TFAP2A: variants seen among roughly 807,000 people sequenced by gnomAD.
TFAP2A encodes transcription factor AP-2 alpha.
TFAP2A carries 7 observed loss-of-function variants against 41.5 expected under a neutral mutation model. The observed-to-expected ratio is 0.17, with a 90% CI of 0.10 to 0.32. TFAP2A has a LOEUF of 0.32. Among genes scored for constraint, TFAP2A ranks in the 10% least tolerant of loss-of-function variants. The pLI is 1.00. For missense variants in TFAP2A, 416 were observed against 563.3 expected (o/e 0.74, Z 2.65); for synonymous variants, 247 against 242.8 (o/e 1.02, Z -0.16).
rs968044558 is a variant in TFAP2A, at chr6:10,415,057, C to T, written c.-66G>A. On this transcript the variant is annotated 5_prime_UTR_variant, in exon 1 of 7. Coordinates refer to ENST00000379613, the MANE Select transcript of TFAP2A (RefSeq NM_001372066.1). ...CAAGTGGAGCTACTCTCTGGGTGAG[C>T]GCAAAGTGCTGGCTGCCGGCGGTGA... The T allele has an allele frequency of 2.5e-6, 4 of 1,613,354 alleles. No homozygotes were observed. The African/African-American group carries it at 5.4e-5, about 22-fold the overall frequency.
chr6:10,416,683 G>T (rs1002213966), upstream of TFAP2A, among the ~76,000 whole-genome samples: 15 of 152,204 alleles, frequency 9.9e-5, no homozygotes, highest in Non-Finnish European at 1.9e-4. Flanking sequence ...AAAAGGGGAT[G>T]GGAACTGTGG....
chr6:10,418,961 C>T (rs751158992), upstream of TFAP2A, among the ~76,000 whole-genome samples: 9 of 152,180 alleles, frequency 5.9e-5, no homozygotes, highest in Non-Finnish European at 1.2e-4. Context: ...GCACCAGAAC[C>T]TGTCCAACAC....
intron 2 of TFAP2A, 53 bp from the exon 3 acceptor site, chr6:10,406,897 A>G (rs1757740725): frequency 7.0e-7 from 1 of 1,418,822 alleles, no homozygotes; most frequent in East Asian, 2.3e-5. Context: ...ACAAAAGGAA[A>G]TGAATATTCC....
upstream of TFAP2A, chr6:10,416,426 T>C (rs1268995206): frequency 1.0e-5 from 1 of 95,668 alleles, no homozygotes; most frequent in Non-Finnish European, 2.0e-5. Flanking sequence ...TTTTTTTAAG[T>C]AAGAAAAAAA....
At chr6:10,413,281 T>C (rs898244211) in intron 1 of TFAP2A, among the ~76,000 whole-genome samples, 8 of 152,200 alleles carry the variant, frequency 5.3e-5, no homozygotes, top group Admixed American at 4.6e-4. Flanking sequence ...CTCTCATCTT[T>C]TTTTGCCTCG....
At chr6:10,402,079 G>T in intron 5 of TFAP2A, 1 of 354,500 alleles carries the variant, frequency 2.8e-6, no homozygotes, top group Non-Finnish European at 5.5e-6. Context: ...GAGCTTTCAG[G>T]ATGGTCTTAA....
At chr6:10,399,896 GTC>G (rs140854143) in intron 6 of TFAP2A, among the ~76,000 whole-genome samples, 14,522 of 147,152 alleles carry the variant, frequency 0.099, 715 homozygotes, top group Middle Eastern at 0.18. Flanking sequence ...TGGGGTGTGG[GTC>G]TCTCTCTCTC....
chr6:10,405,023 T>G, intron 3 of TFAP2A: 1 of 502,646 alleles, frequency 2.0e-6, no homozygotes, highest in Non-Finnish European at 3.6e-6. Flanking sequence ...GGGTGCTCTC[T>G]AGAGATGGGT....
chr6:10,411,048 C>CCCCA (rs1757941743), intron 1 of TFAP2A: 1 of 97,868 alleles, frequency 1.0e-5, no homozygotes, highest in African/African-American at 5.3e-5. Flanking sequence ...GGGCTGTGGC[C>CCCCA]CCCCCCCCCC....
At chr6:10,405,031 G>A in intron 3 of TFAP2A, 1 of 499,762 alleles carries the variant, frequency 2.0e-6, no homozygotes, top group Non-Finnish European at 3.6e-6. Flanking sequence ...TCTAGAGATG[G>A]GTGGTGAAAT....
intron 1 of TFAP2A, chr6:10,411,557 G>A (rs373698068): frequency 6.8e-6 from 11 of 1,614,002 alleles, no homozygotes; most frequent in Non-Finnish European, 9.3e-6. Flanking sequence ...ACGGGGGTGG[G>A]GATGGGACTC....
intron 2 of TFAP2A, among the ~76,000 whole-genome samples, chr6:10,408,290 T>G (rs1219391972): frequency 6.6e-6 from 1 of 152,210 alleles, no homozygotes; most frequent in Non-Finnish European, 1.5e-5. Context: ...GCAACTGGGT[T>G]TCCTTGTTTT....
intron 5 of TFAP2A, 28 bp downstream of exon 5, chr6:10,402,464 C>G: frequency 2.6e-6 from 4 of 1,524,568 alleles, no homozygotes; most frequent in Non-Finnish European, 3.6e-6. Context: ...AAGGAAGTTC[C>G]TTCTAGTTAG....
Position 10,402,203 on chromosome 6 carries a change from G to A in TFAP2A, c.889+289C>T. On this transcript the variant is annotated intron_variant, in intron 5 of 6. Transcript: ENST00000379613. ...ATTTACTGCTGAGCCCTTTAAAGGA[G>A]ACAAACTTGGAGAATGTGCAGTTCT... is the stretch of plus-strand genomic sequence containing the variant. 5 of 460,632 alleles carry A rather than the reference G, an allele frequency of 1.1e-5. No individual in the cohort carries two copies. In the Admixed American group the frequency reaches 1.3e-4, roughly 12 times the overall value. The allele number at this position is 460,632 out of a possible 1,614,324, so 28.5% of individuals were successfully genotyped here. A position where few individuals can be genotyped will look rare whatever the true frequency, so the allele number is the denominator to read the frequency against.
intron 1 of TFAP2A, among the ~76,000 whole-genome samples, chr6:10,413,445 C>T (rs1272248019): frequency 5.9e-5 from 9 of 152,234 alleles, no homozygotes; most frequent in Admixed American, 3.3e-4. Context: ...AGCTGGGTTT[C>T]GGCCTCTGCG....
Position 10,400,509 on chromosome 6 carries a change from T to A in TFAP2A, c.970A>T (p.Asn324Tyr). The A allele has an allele frequency of 6.2e-7, 1 of 1,614,136 alleles. No homozygotes were observed. Among genetic ancestry groups the A allele is most frequent in the Non-Finnish European group, 8.5e-7 (1 of 1,179,986 alleles). Reference protein sequence around the residue: ...FPAKAVAEFLNRQHSDPNEQV... With the variant: ...FPAKAVAEFLYRQHSDPNEQV... Reference sequence around the variant, plus strand: ...TCATTGGGATCGGAATGTTGTCGGTTGAGAAATTCAGCTACTGCTTTGGCA... The same window carrying A: ...TCATTGGGATCGGAATGTTGTCGGTAGAGAAATTCAGCTACTGCTTTGGCA... The change falls in exon 6 of 7, where the codon AAC becomes TAC. Residue 324 changes from asparagine (N) to tyrosine (Y), a missense_variant. Asn to Tyr is a moderately radical substitution (Grantham distance 143, BLOSUM62 -2). Around this residue, in one of 3 missense-constraint regions of TFAP2A, gnomAD observed 116 missense variants for 153.8 expected, o/e 0.75. Coordinates refer to ENST00000379613, the MANE Select transcript of TFAP2A (RefSeq NM_001372066.1).
intron 1 of TFAP2A, chr6:10,412,780 A>G: frequency 4.5e-6 from 1 of 222,126 alleles, no homozygotes; most frequent in Non-Finnish European, 9.3e-6. Flanking sequence ...CGGCTCCTCC[A>G]TGACCCGGCG....
At chr6:10,406,956 G>C (rs763776447) in intron 2 of TFAP2A, 112 bp from the exon 3 acceptor site, 2 of 857,932 alleles carry the variant, frequency 2.3e-6, no homozygotes, top group African/African-American at 1.7e-5. Flanking sequence ...TCCCCCTCCC[G>C]TATAATGACA....
At chr6:10,413,512 C>G (rs1038865533) in intron 1 of TFAP2A, among the ~76,000 whole-genome samples, 1 of 152,100 alleles carries the variant, frequency 6.6e-6, no homozygotes, top group Non-Finnish European at 1.5e-5. Flanking sequence ...ATGAATTGTC[C>G]TATGAGACTG....
Sources: allele counts gnomAD v4.1 joint callset (sites outside exome capture counted in the v4.1 genomes callset), GRCh38; gene constraint gnomAD v4.1.1; regional missense constraint gnomAD v4.1.1; transcripts MANE v1.5; gene names NCBI Gene and HGNC (gene_info 2026-07-23, HGNC 2026-07-21).